CNST: variants seen among roughly 807,000 people sequenced by gnomAD.
The protein encoded by CNST is consortin.
In CNST, 39 loss-of-function variants were observed where a neutral mutation model predicts 72.4. That is an observed-to-expected ratio of 0.54 (90% CI 0.42 to 0.70). CNST has a LOEUF of 0.70. Among genes scored for constraint, CNST ranks in the 30% least tolerant of loss-of-function variants. The probability of loss-of-function intolerance (pLI) is 0.00; values close to 1 mark genes in which losing one functional copy is unlikely to be tolerated. For missense variants in CNST, 871 were observed against 868.5 expected (o/e 1.00, Z -0.04); for synonymous variants, 332 against 320.1 (o/e 1.04, Z -0.40).
chr1:246,630,405 T>C (rs1664703981), intron 3 of CNST, among the ~76,000 whole-genome samples: 1 of 152,260 alleles, frequency 6.6e-6, no homozygotes, highest in Admixed American at 6.5e-5. Flanking sequence ...AGTTTGTCCC[T>C]TGCAAAATCT....
intron 2 of CNST, chr1:246,606,090 AAAAG>A: frequency 6.6e-6 from 1 of 152,426 alleles, no homozygotes; most frequent in East Asian, 1.9e-4. Flanking sequence ...ACCTCGGAAA[AAAAG>A]AAAAAATTTT....
chr1:246,574,815 C>G (rs1347387747), intron 1 of CNST, among the ~76,000 whole-genome samples: 6 of 151,056 alleles, frequency 4.0e-5, no homozygotes, highest in Admixed American at 2.6e-4. Flanking sequence ...CATGTCCTTC[C>G]TAAATCTCTC....
At chr1:246,596,286 G>A (rs1199567155) in intron 2 of CNST, among the ~76,000 whole-genome samples, 5 of 151,772 alleles carry the variant, frequency 3.3e-5, no homozygotes, top group East Asian at 1.9e-4. Flanking sequence ...ATGGTGGCAC[G>A]TGCCTGTAGT....
intron 2 of CNST, among the ~76,000 whole-genome samples, chr1:246,619,562 G>A (rs796115285): frequency 6.6e-6 from 1 of 152,284 alleles, no homozygotes; most frequent in African/African-American, 2.4e-5. Context: ...GTCATACGAG[G>A]CCATATACCA....
intron 1 of CNST, among the ~76,000 whole-genome samples, chr1:246,581,917 T>C (rs1392750544): frequency 6.6e-6 from 1 of 152,178 alleles, no homozygotes; most frequent in African/African-American, 2.4e-5. Flanking sequence ...AAAAGTATTT[T>C]TGCAATATGT....
rs1359230880 is a variant in CNST, at chr1:246,641,657, A to AT, written c.819-85dup. 23 of 746,056 alleles carry AT rather than the reference A, an allele frequency of 3.1e-5. No individual in the cohort carries two copies. In the East Asian group the frequency reaches 3.8e-4, roughly 12 times the overall value. 46.2% of individuals were successfully genotyped at this position (746,056 alleles called of 1,614,324 possible). A position where few individuals can be genotyped will look rare whatever the true frequency, so the allele number is the denominator to read the frequency against. On this transcript the variant is annotated intron_variant, in intron 6 of 10. Coordinates refer to ENST00000366513, the MANE Select transcript of CNST (RefSeq NM_152609.3). ...TAATATTAGAATCCAGAGAAGCTGT[A>AT]TTTTTTTATAGCCATTTCAGTGACA...
chr1:246,586,889 T>C (rs755781429), intron 1 of CNST, among the ~76,000 whole-genome samples: 28 of 152,198 alleles, frequency 1.8e-4, no homozygotes, highest in Non-Finnish European at 3.2e-4. Flanking sequence ...TGAAAACAGC[T>C]GGTTTTTAAA....
intron 2 of CNST, among the ~76,000 whole-genome samples, chr1:246,612,325 C>T (rs1572176551): frequency 6.6e-6 from 1 of 152,158 alleles, no homozygotes; most frequent in African/African-American, 2.4e-5. Context: ...CCTCAGCCTC[C>T]CAAGTAGCTG....
In CNST at chr1:246,633,773, T is replaced by C. The variant is rs1282787119; in HGVS notation, c.617-151T>C. 7.5e-6 allele frequency: 4 copies of C among 535,718 alleles called. No individual in the cohort carries two copies. In the East Asian group the frequency reaches 9.2e-5, roughly 12 times the overall value. The allele number at this position is 535,718 out of a possible 1,614,324, so 33.2% of individuals were successfully genotyped here. On this transcript the variant is annotated intron_variant, in intron 4 of 10. Coordinates refer to ENST00000366513, the MANE Select transcript of CNST (RefSeq NM_152609.3). ...AAAAAAAAAAAAAAGAGAGAAACATTACTTTAGATATGTTTAAATTTAAAA... is the reference window on the plus strand; with the variant it reads ...AAAAAAAAAAAAAAGAGAGAAACATCACTTTAGATATGTTTAAATTTAAAA...
chr1:246,621,608 A>G lies in CNST; in HGVS notation c.559A>G (p.Arg187Gly), dbSNP rs1489463768. 6.2e-7 allele frequency: 1 copy of G among 1,614,110 alleles called. No individual in the cohort carries two copies. The highest frequency in any genetic ancestry group is 1.7e-5 in the Admixed American group (1 of 60,012). Residue 187 changes from arginine to glycine, a missense_variant, in exon 3 of 11, where the codon AGA (arginine) becomes GGA (glycine). Physicochemically the swap from Arg to Gly is moderately radical, Grantham distance 125. Coordinates refer to ENST00000366513, the MANE Select transcript of CNST (RefSeq NM_152609.3). ...AGGTGAAGTTGAGCAGTTGGATTCA[A>G]GAGCACTTCCCCTTTGCCTTCATCA... Reference protein sequence around the residue: ...IRGEVEQLDSRALPLCLHQIA... With the variant: ...IRGEVEQLDSGALPLCLHQIA...
chr1:246,570,420 T>C (rs530175620), intron 1 of CNST, among the ~76,000 whole-genome samples: 1 of 152,352 alleles, frequency 6.6e-6, no homozygotes, highest in South Asian at 2.1e-4. Flanking sequence ...ATATCTACAT[T>C]AATAGCTAAA....
At chr1:246,568,813 C>G (rs376511370) in intron 1 of CNST, among the ~76,000 whole-genome samples, 1 of 152,208 alleles carries the variant, frequency 6.6e-6, no homozygotes, top group South Asian at 2.1e-4. Flanking sequence ...AGGTGATCCT[C>G]CGACCTCCAC....
At chr1:246,629,167 G>A (rs563895689) in intron 3 of CNST, among the ~76,000 whole-genome samples, 10 of 152,222 alleles carry the variant, frequency 6.6e-5, no homozygotes, top group Admixed American at 2.0e-4. Flanking sequence ...CTTGAGATGC[G>A]AAATGACGTG....
chr1:246,648,919 A>G (rs1047319626), intron 9 of CNST, among the ~76,000 whole-genome samples: 4 of 152,264 alleles, frequency 2.6e-5, no homozygotes, highest in East Asian at 3.8e-4. Flanking sequence ...CAAAGTAGAC[A>G]GTAAAATATA....
intron 2 of CNST, among the ~76,000 whole-genome samples, chr1:246,597,204 TCTGA>T (rs1364816496): frequency 6.6e-6 from 1 of 152,224 alleles, no homozygotes; most frequent in Non-Finnish European, 1.5e-5. Context: ...CCTGTTAATA[TCTGA>T]CTATTTGATT....
intron 2 of CNST, among the ~76,000 whole-genome samples, chr1:246,599,633 C>T (rs543424803): frequency 3.3e-5 from 5 of 152,214 alleles, no homozygotes; most frequent in South Asian, 4.2e-4. Context: ...CTGGGCTGGG[C>T]GCAATGGCTC....
intron 10 of CNST, among the ~76,000 whole-genome samples, chr1:246,660,670 C>G (rs926093720): frequency 5.9e-5 from 9 of 152,140 alleles, no homozygotes; most frequent in Admixed American, 2.0e-4. Context: ...TTACAGTGAG[C>G]CAAGAGCGTG....
At chr1:246,583,858 A>G (rs1034471977) in intron 1 of CNST, among the ~76,000 whole-genome samples, 1 of 152,236 alleles carries the variant, frequency 6.6e-6, no homozygotes, top group Non-Finnish European at 1.5e-5. Flanking sequence ...AAAGGGCAAC[A>G]TTATATCATA....
intron 6 of CNST, among the ~76,000 whole-genome samples, chr1:246,638,663 C>T (rs926474902): frequency 6.6e-6 from 1 of 151,906 alleles, no homozygotes; most frequent in African/African-American, 2.4e-5. Flanking sequence ...ATAGTGTGGG[C>T]GGGTGACACT....
Sources: allele counts gnomAD v4.1 joint callset (sites outside exome capture counted in the v4.1 genomes callset), GRCh38; gene constraint gnomAD v4.1.1; transcripts MANE v1.5; gene names NCBI Gene and HGNC (gene_info 2026-07-23, HGNC 2026-07-21).